Variants in SLC5A4 observed in about 807,000 individuals in gnomAD.
SLC5A4 encodes solute carrier family 5 member 4.
Under a neutral mutation model 70.3 loss-of-function variants are expected in SLC5A4, and 55 were observed. The observed-to-expected ratio is 0.78, with a 90% CI of 0.63 to 0.98. The LOEUF is 0.98. Ranked by LOEUF, SLC5A4 falls within the 50% of genes least tolerant of loss-of-function variation. SLC5A4 has a pLI of 0.00. For synonymous variants in SLC5A4, 268 were observed against 305.7 expected, an observed-to-expected ratio of 0.88 and a Z score of 1.29; for missense variants, 735 against 839.2, an observed-to-expected ratio of 0.88 and a Z score of 1.53.
chr22:32,305,391 T>C, the SLC5A4 span, among the ~76,000 whole-genome samples: 32 of 136,812 alleles, frequency 2.3e-4, 1 homozygote, highest in African/African-American at 8.7e-4. Flanking sequence ...TGATCTCTGA[T>C]TGTGTGCCAG....
At chr22:32,276,043 C>T in the SLC5A4 span, among the ~76,000 whole-genome samples, 18 of 152,172 alleles carry the variant, frequency 1.2e-4, no homozygotes, top group East Asian at 5.8e-4. Context: ...TCATATCCTT[C>T]GCCACAATTT....
chr22:32,338,658 G>A, the SLC5A4 span, among the ~76,000 whole-genome samples: 10 of 152,204 alleles, frequency 6.6e-5, no homozygotes, highest in Non-Finnish European at 1.2e-4. Flanking sequence ...GACAGAATGA[G>A]ACTCCATCTC....
chr22:32,257,649 G>C (rs1347658307), upstream of SLC5A4, among the ~76,000 whole-genome samples: 2 of 130,468 alleles, frequency 1.5e-5, no homozygotes, highest in African/African-American at 7.1e-5. Flanking sequence ...ACTGAACCCA[G>C]CAAGGTTTTC....
the SLC5A4 span, among the ~76,000 whole-genome samples, chr22:32,304,304 T>G: frequency 7.9e-5 from 12 of 151,786 alleles, no homozygotes; most frequent in South Asian, 4.2e-4. Flanking sequence ...TTTTGTGGGG[T>G]TTTTTTCCGT....
chr22:32,262,808 T>C, the SLC5A4 span, among the ~76,000 whole-genome samples: 1 of 152,096 alleles, frequency 6.6e-6, no homozygotes, highest in Non-Finnish European at 1.5e-5. Flanking sequence ...CTCACTCTGT[T>C]GCCCAGGCTG....
upstream of SLC5A4, among the ~76,000 whole-genome samples, chr22:32,258,423 G>T (rs187698606): frequency 2.3e-3 from 345 of 152,164 alleles, 2 homozygotes; most frequent in African/African-American, 8.1e-3. Flanking sequence ...ATTAAAATGG[G>T]CTAAAGACTT....
chr22:32,274,725 A>G, the SLC5A4 span, among the ~76,000 whole-genome samples: 1 of 152,242 alleles, frequency 6.6e-6, no homozygotes, highest in Admixed American at 6.5e-5. Flanking sequence ...GCTGCGATTA[A>G]GTTTATCTTA....
chr22:32,271,689 A>G, the SLC5A4 span: 1 of 568,996 alleles, frequency 1.8e-6, no homozygotes, highest in Non-Finnish European at 3.2e-6. Context: ...CTGCGGCTGC[A>G]CCCCGTGGGC....
the SLC5A4 span, among the ~76,000 whole-genome samples, chr22:32,338,204 C>T: frequency 1.7e-3 from 254 of 152,230 alleles, no homozygotes; most frequent in African/African-American, 5.9e-3. Flanking sequence ...CAGACAAGAA[C>T]ACCAAGGAAC....
chr22:32,304,849 AGTTTTT>A, the SLC5A4 span, among the ~76,000 whole-genome samples: 1 of 110,816 alleles, frequency 9.0e-6, no homozygotes, highest in South Asian at 3.0e-4. Flanking sequence ...GGAGTTCTAC[AGTTTTT>A]TTTTCTTTTT....
At chr22:32,258,070 C>T (rs1331975926), upstream of SLC5A4, among the ~76,000 whole-genome samples, 1 of 152,020 alleles carries the variant, frequency 6.6e-6, no homozygotes, top group Non-Finnish European at 1.5e-5. Flanking sequence ...ACTGCAGCCC[C>T]CACCTCGCAG....
In SLC5A4 at chr22:32,220,959, C is replaced by T; in HGVS notation, c.1729G>A (p.Glu577Lys). Residue 577 changes from glutamate (E) to lysine (K), a missense_variant, in exon 14 of 15, where the codon GAG (glutamate) becomes AAG (lysine). Glu to Lys is a moderately conservative substitution (Grantham distance 56). Transcript: ENST00000266086. ...TCATCTGTTTCTTCCTGACTTTTCT[C>T]TTCTGCATCTATATCGATTCGCTCC... ...TEERIDIDAE[E>K]KSQEETDDGV... 1 of 1,613,936 alleles carries T rather than the reference C, an allele frequency of 6.2e-7. No individual in the cohort carries two copies. Among genetic ancestry groups the T allele is most frequent in the African/African-American group, 1.3e-5 (1 of 75,044 alleles).
At chr22:32,238,053 C>T (rs758327095) in intron 6 of SLC5A4, among the ~76,000 whole-genome samples, 2 of 152,162 alleles carry the variant, frequency 1.3e-5, no homozygotes, top group Non-Finnish European at 2.9e-5. Context: ...GTAGAGCCCT[C>T]ATACACCTAT....
chr22:32,312,411 T>C, the SLC5A4 span, among the ~76,000 whole-genome samples: 6 of 151,180 alleles, frequency 4.0e-5, no homozygotes, highest in South Asian at 1.3e-3. Flanking sequence ...CTGACACAAA[T>C]AGCCCCAAGG....
chr22:32,253,505 A>C (rs545116682), intron 2 of SLC5A4, among the ~76,000 whole-genome samples: 54 of 152,376 alleles, frequency 3.5e-4, no homozygotes, highest in African/African-American at 1.3e-3. Flanking sequence ...CAAGAGGGCC[A>C]GCATCAGCTC....
At chr22:32,303,202 G>A in the SLC5A4 span, among the ~76,000 whole-genome samples, 1 of 152,176 alleles carries the variant, frequency 6.6e-6, no homozygotes, top group Admixed American at 6.5e-5. Context: ...GGTGGCTGGG[G>A]CACAGCTTGG....
the SLC5A4 span, among the ~76,000 whole-genome samples, chr22:32,303,183 C>T: frequency 6.6e-6 from 1 of 152,156 alleles, no homozygotes; most frequent in Non-Finnish European, 1.5e-5. Flanking sequence ...CCTCACGACA[C>T]GTGTCCAAGG....
At chr22:32,259,924 G>A (rs540482628), upstream of SLC5A4, among the ~76,000 whole-genome samples, 15 of 152,322 alleles carry the variant, frequency 9.8e-5, no homozygotes, top group Non-Finnish European at 7.3e-5. Flanking sequence ...AGGGTGGAGC[G>A]GTGGGATGAT....
rs1925841532 is a variant in SLC5A4, at chr22:32,232,908, G to C, written c.1012C>G (p.Leu338Val). The C allele has an allele frequency of 6.2e-7, 1 of 1,613,970 alleles. No homozygotes were observed. Among genetic ancestry groups the C allele is most frequent in the Non-Finnish European group, 8.5e-7 (1 of 1,179,936 alleles). Reference protein sequence around the residue: ...MVMPGMISRILYTDMVACVVP... With the variant: ...MVMPGMISRIVYTDMVACVVP... ...CGGATTCAGGGCTTACCTGTGTACAGGATGCGGCTGATCATCCCCGGCATC... is the reference window on the plus strand; with the variant it reads ...CGGATTCAGGGCTTACCTGTGTACACGATGCGGCTGATCATCCCCGGCATC... Residue 338 changes from leucine to valine, a missense_variant, in exon 9 of 15, where the codon CTG becomes GTG. Coordinates refer to ENST00000266086, the MANE Select transcript of SLC5A4 (RefSeq NM_014227.3).
Sources: allele counts gnomAD v4.1 joint callset (sites outside exome capture counted in the v4.1 genomes callset), GRCh38; gene constraint gnomAD v4.1.1; transcripts MANE v1.5; gene names NCBI Gene and HGNC (gene_info 2026-07-23, HGNC 2026-07-21).